Variants in MRAP2 observed in about 807,000 individuals in gnomAD.
MRAP2 encodes the protein melanocortin 2 receptor accessory protein 2, also known as melanocortin-2 receptor accessory protein 2.
Under a neutral mutation model 17.4 loss-of-function variants are expected in MRAP2, and 20 were observed. The ratio of observed to expected loss-of-function variants is 1.15; its 90% confidence interval spans 0.81 to 1.67. The LOEUF (loss-of-function observed/expected upper bound fraction) is 1.67, where lower values mean the gene tolerates loss of function less well. Ranked by LOEUF, MRAP2 falls within the 40% of genes most tolerant of loss-of-function variation. The pLI is 0.00. For missense variants in MRAP2, 238 were observed against 240.0 expected, an observed-to-expected ratio of 0.99 and a Z score of 0.05; for synonymous variants, 96 against 88.4, an observed-to-expected ratio of 1.09 and a Z score of -0.48.
chr6:84,131,641 C>G, the MRAP2 span, among the ~76,000 whole-genome samples: 1 of 151,494 alleles, frequency 6.6e-6, no homozygotes, highest in Non-Finnish European at 1.5e-5. Flanking sequence ...TCTTTTTTAT[C>G]AGAGACTAGG....
chr6:84,058,829 T>A (rs1032318609), intron 2 of MRAP2, among the ~76,000 whole-genome samples: 1 of 152,202 alleles, frequency 6.6e-6, no homozygotes. Flanking sequence ...ATGCTGCTAT[T>A]AGGTCAAGTT....
downstream of MRAP2, among the ~76,000 whole-genome samples, chr6:84,095,692 C>T (rs1422392821): frequency 6.6e-6 from 1 of 152,092 alleles, no homozygotes; most frequent in Non-Finnish European, 1.5e-5. Flanking sequence ...TCCTGTCACC[C>T]AGAAAAGATG....
At chr6:84,136,830 A>G in the MRAP2 span, among the ~76,000 whole-genome samples, 36 of 152,330 alleles carry the variant, frequency 2.4e-4, no homozygotes, top group African/African-American at 7.9e-4. Flanking sequence ...TTTCTTCTGC[A>G]TGAGAAACTG....
chr6:84,060,805 C>T (rs1197182893), intron 2 of MRAP2, among the ~76,000 whole-genome samples: 1 of 151,300 alleles, frequency 6.6e-6, no homozygotes, highest in Non-Finnish European at 1.5e-5. Context: ...CCTGCCTCAG[C>T]CTCCCGAGTA....
At chr6:84,046,154 C>G (rs2099488968) in intron 1 of MRAP2, among the ~76,000 whole-genome samples, 1 of 152,158 alleles carries the variant, frequency 6.6e-6, no homozygotes, top group South Asian at 2.1e-4. Context: ...TATATCTTCT[C>G]TACTTAGAGG....
At chr6:84,099,316 TTTA>T in the MRAP2 span, among the ~76,000 whole-genome samples, 10 of 139,702 alleles carry the variant, frequency 7.2e-5, no homozygotes, top group South Asian at 2.4e-3. Flanking sequence ...TTATTTATTT[TTTA>T]TTTTTAAATT....
chr6:84,039,854 G>A (rs896808701), intron 1 of MRAP2, among the ~76,000 whole-genome samples: 1 of 152,328 alleles, frequency 6.6e-6, no homozygotes, highest in Admixed American at 6.5e-5. Context: ...TAGGAGCTGA[G>A]TGAGAGAATG....
At chr6:84,055,227 T>G in intron 1 of MRAP2, 85 bp from the exon 2 acceptor site, 5 of 1,501,222 alleles carry the variant, frequency 3.3e-6, no homozygotes, top group Non-Finnish European at 3.6e-6. Context: ...GCCAAACTCC[T>G]GAATGCGATC....
chr6:84,114,922 T>C, the MRAP2 span, among the ~76,000 whole-genome samples: 1 of 152,174 alleles, frequency 6.6e-6, no homozygotes, highest in African/African-American at 2.4e-5. Context: ...ACAGCAAAGA[T>C]TGCTGCCTGT....
the MRAP2 span, among the ~76,000 whole-genome samples, chr6:84,134,951 CACACAT>C: frequency 3.3e-5 from 5 of 149,994 alleles, no homozygotes; most frequent in Non-Finnish European, 5.9e-5. Context: ...CACACACACA[CACACAT>C]ATATAGTGTT....
chr6:84,113,769 A>T, the MRAP2 span, among the ~76,000 whole-genome samples: 3 of 152,296 alleles, frequency 2.0e-5, no homozygotes, highest in Admixed American at 6.5e-5. Context: ...AGCTCTAGTA[A>T]GGCAGGCCTG....
At chr6:84,143,981 T>G in the MRAP2 span, among the ~76,000 whole-genome samples, 2 of 152,004 alleles carry the variant, frequency 1.3e-5, no homozygotes, top group African/African-American at 2.4e-5. Context: ...GCCTTTAGAA[T>G]CTTTTAATAA....
At chr6:84,130,466 G>A in the MRAP2 span, among the ~76,000 whole-genome samples, 2 of 152,088 alleles carry the variant, frequency 1.3e-5, no homozygotes, top group South Asian at 2.1e-4. Flanking sequence ...GGTAGAATTC[G>A]GCTGTGCACC....
the MRAP2 span, among the ~76,000 whole-genome samples, chr6:84,098,293 C>A: frequency 6.6e-6 from 1 of 152,090 alleles, no homozygotes; most frequent in East Asian, 1.9e-4. Flanking sequence ...ATAGTTCATT[C>A]TTTTCATTGC....
chr6:84,108,453 A>G, the MRAP2 span, among the ~76,000 whole-genome samples: 1 of 150,250 alleles, frequency 6.7e-6, no homozygotes, highest in Admixed American at 6.6e-5. Flanking sequence ...TTTTTTTTAT[A>G]TGTGTGCTGG....
chr6:84,078,671 A>G (rs2099498230), intron 3 of MRAP2, among the ~76,000 whole-genome samples: 1 of 152,174 alleles, frequency 6.6e-6, no homozygotes, highest in Non-Finnish European at 1.5e-5. Flanking sequence ...TGCTTTCTCA[A>G]GACTGGATTA....
intron 3 of MRAP2, among the ~76,000 whole-genome samples, chr6:84,066,610 T>A (rs546511495): frequency 6.6e-6 from 1 of 152,194 alleles, no homozygotes; most frequent in Non-Finnish European, 1.5e-5. Context: ...AGCCATTTTT[T>A]TTGATTCCAG....
chr6:84,115,920 C>G, the MRAP2 span, among the ~76,000 whole-genome samples: 1 of 152,114 alleles, frequency 6.6e-6, no homozygotes. Flanking sequence ...CACTGTCCAA[C>G]CAGTCCCAGT....
intron 1 of MRAP2, among the ~76,000 whole-genome samples, chr6:84,036,590 T>C (rs2099486050): frequency 6.6e-6 from 1 of 152,142 alleles, no homozygotes; most frequent in Non-Finnish European, 1.5e-5. Context: ...ATAAAGGCAG[T>C]GCAGACCCAA....
Sources: gnomAD v4.1 joint callset for allele counts (sites outside exome capture counted in the v4.1 genomes callset) on GRCh38, gnomAD v4.1.1 for gene constraint, MANE v1.5 for transcripts, NCBI Gene and HGNC (gene_info 2026-07-23, HGNC 2026-07-21) for gene names.